WWOX: variants seen among roughly 807,000 people sequenced by gnomAD.
The protein encoded by WWOX is WW domain-containing oxidoreductase.
Under a neutral mutation model 46.2 loss-of-function variants are expected in WWOX, and 69 were observed. The ratio of observed to expected loss-of-function variants is 1.49; its 90% CI spans 1.23 to 1.82. The LOEUF (loss-of-function observed/expected upper bound fraction) is 1.82. Ranked by LOEUF, WWOX falls within the 40% of genes most tolerant of loss-of-function variation. The probability of loss-of-function intolerance (pLI) is 0.00; values close to 1 mark genes in which losing one functional copy is unlikely to be tolerated. For missense variants in WWOX, 919 were observed against 542.6 expected, an observed-to-expected ratio of 1.69 and a Z score of -6.89; for synonymous variants, 359 against 202.6, an observed-to-expected ratio of 1.77 and a Z score of -6.56.
intron 8 of WWOX, among the ~76,000 whole-genome samples, chr16:79,114,932 G>A (rs761011583): frequency 2.0e-5 from 3 of 152,208 alleles, no homozygotes; most frequent in Non-Finnish European, 4.4e-5. Context: ...CGGGGCTGCA[G>A]ACTAAATTAT....
chr16:78,573,539 A>G (rs4606728), intron 8 of WWOX, among the ~76,000 whole-genome samples: 16,241 of 152,214 alleles, frequency 0.11, 898 homozygotes, highest in Middle Eastern at 0.14. Context: ...CTGCTCAAAA[A>G]CATTCAGTGG....
At chr16:78,629,004 C>A (rs2151655864) in intron 8 of WWOX, among the ~76,000 whole-genome samples, 1 of 152,250 alleles carries the variant, frequency 6.6e-6, no homozygotes, top group South Asian at 2.1e-4. Flanking sequence ...ATAAGTATTC[C>A]CTTGAACCCG....
At chr16:78,826,503 A>G (rs2051661294) in intron 8 of WWOX, among the ~76,000 whole-genome samples, 1 of 152,158 alleles carries the variant, frequency 6.6e-6, no homozygotes. Context: ...CTGTGACCAT[A>G]TCACTCCAAT....
chr16:78,199,351 C>A (rs532942829), intron 5 of WWOX, among the ~76,000 whole-genome samples: 3 of 151,556 alleles, frequency 2.0e-5, no homozygotes, highest in African/African-American at 4.8e-5. Flanking sequence ...AAACTAAGAA[C>A]AACAACGAAA....
At chr16:78,100,252 G>GTGTTTTGTTT (rs564390630) in intron 1 of WWOX, 16 of 1,116,698 alleles carry the variant, frequency 1.4e-5, no homozygotes, top group Admixed American at 5.7e-5. Flanking sequence ...GAGTTTTGTT[G>GTGTTTTGTTT]TGTTTTGTTT....
chr16:78,427,983 G>C (rs1296008345), intron 7 of WWOX, among the ~76,000 whole-genome samples: 3 of 152,074 alleles, frequency 2.0e-5, no homozygotes, highest in African/African-American at 7.2e-5. Flanking sequence ...CAGGAGAATT[G>C]CTTGAACTTG....
At chr16:79,026,723 T>G (rs2047650706) in intron 8 of WWOX, among the ~76,000 whole-genome samples, 1 of 146,420 alleles carries the variant, frequency 6.8e-6, no homozygotes, top group South Asian at 2.3e-4. Flanking sequence ...GTTCACACCA[T>G]TTTCCTGCCT....
chr16:78,950,218 C>A (rs1480517680), intron 8 of WWOX, among the ~76,000 whole-genome samples: 6 of 152,164 alleles, frequency 3.9e-5, no homozygotes, highest in African/African-American at 1.4e-4. Flanking sequence ...AATATTCCCT[C>A]CTAATCTTTC....
intron 8 of WWOX, among the ~76,000 whole-genome samples, chr16:78,521,211 T>C (rs1198216460): frequency 6.6e-6 from 1 of 152,194 alleles, no homozygotes; most frequent in Non-Finnish European, 1.5e-5. Context: ...CTCTTTGATA[T>C]TATTTGTAGT....
At chr16:78,607,177 C>T (rs74029588) in intron 8 of WWOX, among the ~76,000 whole-genome samples, 2,043 of 152,078 alleles carry the variant, frequency 0.013, 41 homozygotes, top group African/African-American at 0.044. Context: ...ACAATAAATA[C>T]ACAGTTAATA....
chr16:78,313,604 G>A (rs1343486774), intron 5 of WWOX, among the ~76,000 whole-genome samples: 1 of 152,192 alleles, frequency 6.6e-6, no homozygotes, highest in Admixed American at 6.5e-5. Context: ...GACCTCAGGT[G>A]ATCTGCCTGC....
intron 8 of WWOX, among the ~76,000 whole-genome samples, chr16:79,019,957 C>T (rs969806724): frequency 6.6e-6 from 1 of 152,152 alleles, no homozygotes; most frequent in African/African-American, 2.4e-5. Context: ...AGCACACAGC[C>T]GTGATCAGTT....
At chr16:78,383,983 AC>A (rs2082008611) in intron 5 of WWOX, among the ~76,000 whole-genome samples, 1 of 152,188 alleles carries the variant, frequency 6.6e-6, no homozygotes, top group South Asian at 2.1e-4. Context: ...AAGCAGGGGA[AC>A]CAAAAGAAAA....
intron 8 of WWOX, among the ~76,000 whole-genome samples, chr16:78,440,660 G>A (rs1005457656): frequency 2.0e-5 from 3 of 150,088 alleles, no homozygotes; most frequent in Non-Finnish European, 4.4e-5. Flanking sequence ...TCCGTTGCCC[G>A]GATTGGAGTG....
chr16:78,985,772 A>C (rs1484528062), intron 8 of WWOX, among the ~76,000 whole-genome samples: 1 of 43,290 alleles, frequency 2.3e-5, no homozygotes, highest in Non-Finnish European at 1.7e-4. Flanking sequence ...CCATCTGAAA[A>C]AGAAAAAAAG....
At chr16:78,829,754 G>T (rs908818578) in intron 8 of WWOX, among the ~76,000 whole-genome samples, 2 of 152,168 alleles carry the variant, frequency 1.3e-5, no homozygotes, top group Non-Finnish European at 2.9e-5. Flanking sequence ...CAGAGATTCA[G>T]AGTATCCCAA....
chr16:78,884,110 C>G (rs1255009258), intron 8 of WWOX, among the ~76,000 whole-genome samples: 1 of 151,688 alleles, frequency 6.6e-6, no homozygotes, highest in African/African-American at 2.4e-5. Flanking sequence ...GAAACCCTGT[C>G]TCTACAAAAA....
intron 6 of WWOX, among the ~76,000 whole-genome samples, chr16:78,394,781 A>G (rs566709229): frequency 1.1e-3 from 166 of 152,340 alleles, no homozygotes; most frequent in Non-Finnish European, 1.8e-3. Context: ...AAAACAGACA[A>G]TGGGCCAGAT....
At position 78,389,504 on chromosome 16, in the gene WWOX, G is replaced by A. The variant is rs117702515; in HGVS notation, c.605+2556G>A. 7.2e-5 allele frequency among the ~76,000 whole-genome samples: 11 copies of A among 152,306 alleles called. No homozygotes were observed. In the East Asian group the frequency reaches 1.7e-3, roughly 24 times the overall value. ...AATGACAAGAACAGCAGCGGAGTCA[G>A]CAGCTCATTTACTGAGGGCTTATGG... On this transcript the variant is annotated intron_variant, in intron 6 of 8. Coordinates refer to ENST00000566780, the MANE Select transcript of WWOX (RefSeq NM_016373.4).
Sources: gnomAD v4.1 joint callset for allele counts (sites outside exome capture counted in the v4.1 genomes callset) on GRCh38, gnomAD v4.1.1 for gene constraint, MANE v1.5 for transcripts, NCBI Gene and HGNC (gene_info 2026-07-23, HGNC 2026-07-21) for gene names.